STX11: variants seen among roughly 807,000 people sequenced by gnomAD.
STX11 encodes syntaxin 11.
Under a neutral mutation model 19.9 loss-of-function variants are expected in STX11, and 21 were observed. That is an observed-to-expected ratio of 1.06 (90% CI 0.75 to 1.52). STX11 has a LOEUF of 1.52. Among genes scored for constraint, STX11 ranks in the 40% most tolerant of loss-of-function variants. The pLI is 0.00. For synonymous variants in STX11, 193 were observed against 174.4 expected (o/e 1.11, Z -0.84); for missense variants, 438 against 405.9 (o/e 1.08, Z -0.68).
Position 144,152,174 on chromosome 6 carries a change from C to A in STX11, c.-6+1471C>A, listed in dbSNP as rs953086435. On this transcript the variant is annotated intron_variant, in intron 1 of 1. Coordinates refer to ENST00000367568, the MANE Select transcript of STX11 (RefSeq NM_003764.4). The surrounding 1 kb of genome is among the most constrained non-coding windows in gnomAD (Gnocchi z 4.9). The stretch of plus-strand genomic sequence containing the variant: ...AAAGAGTAGACTCAGCAGATTATCA[C>A]CCCTAGATAATTGCGGTCACGATTA... Among the ~76,000 whole-genome samples, 1 of 152,110 alleles carries A rather than the reference C, an allele frequency of 6.6e-6. No homozygotes were observed. Among genetic ancestry groups the A allele is most frequent in the Non-Finnish European group, 1.5e-5 (1 of 68,024 alleles).
chr6:144,142,812 T>C, the STX11 span, among the ~76,000 whole-genome samples: 1 of 152,206 alleles, frequency 6.6e-6, no homozygotes, highest in Non-Finnish European at 1.5e-5. Context: ...AGAAGTAAGT[T>C]CTAATGTTTA....
chr6:144,143,161 T>C, the STX11 span, among the ~76,000 whole-genome samples: 1 of 152,198 alleles, frequency 6.6e-6, no homozygotes, highest in Non-Finnish European at 1.5e-5. Flanking sequence ...ATATTTCTAG[T>C]CTGCGTGTAC....
intron 1 of STX11, among the ~76,000 whole-genome samples, chr6:144,178,940 G>C (rs1286645848): frequency 1.3e-5 from 2 of 152,016 alleles, no homozygotes; most frequent in East Asian, 1.9e-4. Context: ...TCAAAGAATA[G>C]TGTTTCCCTC....
In STX11 at chr6:144,172,692, T is replaced by C. The variant is rs993383465; in HGVS notation, c.-5-13931T>C. On this transcript the variant is annotated intron_variant, in intron 1 of 1. Coordinates refer to ENST00000367568, the MANE Select transcript of STX11 (RefSeq NM_003764.4). The surrounding 1 kb of genome is among the most constrained non-coding windows in gnomAD (Gnocchi z 4.2). ...GATTCCCCGAAGTCTCATCAGATTA[T>C]AGTATTAGCCTCGAAGTCTAGAGAC... 2.6e-5 allele frequency among the ~76,000 whole-genome samples: 4 copies of C among 152,174 alleles called. No individual in the cohort carries two copies. Among genetic ancestry groups the C allele is most frequent in the African/African-American group, 9.7e-5 (4 of 41,436 alleles).
rs974226177 is a variant in STX11 at position 144,159,668 on chromosome 6, T to C, written c.-6+8965T>C. ...AATGCACCATTACTAGAAGTTACTT[T>C]GTTAATATTTTAATATGTAATATAC... On this transcript the variant is annotated intron_variant, in intron 1 of 1. Transcript: ENST00000367568. This position sits in a 1 kb window ranked among gnomAD's most constrained non-coding sequence, Gnocchi z 4.3. Among the ~76,000 whole-genome samples the C allele has an allele frequency of 2.0e-5, 3 of 152,234 alleles. No individual in the cohort carries two copies. Among genetic ancestry groups the C allele is most frequent in the Non-Finnish European group, 4.4e-5 (3 of 68,046 alleles).
At chr6:144,156,668 G>A (rs1801177499) in intron 1 of STX11, among the ~76,000 whole-genome samples, 1 of 152,090 alleles carries the variant, frequency 6.6e-6, no homozygotes, top group Non-Finnish European at 1.5e-5. Context: ...TTTCTATTAT[G>A]TTCTTTGTTA....
chr6:144,179,969 C>T (rs537733856), intron 1 of STX11, among the ~76,000 whole-genome samples: 12 of 152,090 alleles, frequency 7.9e-5, no homozygotes, highest in South Asian at 2.1e-4. Flanking sequence ...CTGAAATAGC[C>T]GAATTCCATT....
rs1801512491 is a variant in STX11, at chr6:144,167,425, A to G, written c.-6+16722A>G. 2.0e-5 allele frequency among the ~76,000 whole-genome samples: 3 copies of G among 152,200 alleles called. No homozygotes were observed. In the South Asian group the frequency reaches 6.2e-4, roughly 31 times the overall value. The stretch of plus-strand genomic sequence containing the variant: ...CATATATACCTATACACATAGCCTG[A>G]AGATAATTGTATACAATGTTTTTAA... On this transcript the variant is annotated intron_variant, in intron 1 of 1. Coordinates refer to ENST00000367568, the MANE Select transcript of STX11 (RefSeq NM_003764.4). The surrounding 1 kb of genome is among the most constrained non-coding windows in gnomAD (Gnocchi z 5.0).
chr6:144,156,024 C>CTCCT (rs1240238433), intron 1 of STX11, among the ~76,000 whole-genome samples: 15 of 102,846 alleles, frequency 1.5e-4, no homozygotes, highest in African/African-American at 5.9e-4. Flanking sequence ...CTCTCTTTCT[C>CTCCT]TCCTTCCTTC....
chr6:144,188,035 C>T lies in STX11; in HGVS notation c.*544C>T, dbSNP rs941316888. ...TCCTCCCCAAATATAGATCTTATTT[C>T]TGCTCATTTCCCCTACTTATTAAAA... On this transcript the variant is annotated 3_prime_UTR_variant, in exon 2 of 2. Coordinates refer to ENST00000367568, the MANE Select transcript of STX11 (RefSeq NM_003764.4). The T allele has an allele frequency of 4.5e-5, 11 of 246,730 alleles. No homozygotes were observed. Among genetic ancestry groups the T allele is most frequent in the African/African-American group, 2.4e-4 (11 of 45,152 alleles). 15.3% of individuals were successfully genotyped at this position (246,730 alleles called of 1,614,324 possible).
intron 1 of STX11, among the ~76,000 whole-genome samples, chr6:144,166,614 C>G (rs1691480537): frequency 6.6e-6 from 1 of 151,200 alleles, no homozygotes; most frequent in South Asian, 2.1e-4. Flanking sequence ...CAACCTCTGC[C>G]TCCCAGGTTC....
chr6:144,182,478 T>A lies in STX11; in HGVS notation c.-5-4145T>A, dbSNP rs1055611640. On this transcript the variant is annotated intron_variant, in intron 1 of 1. Transcript: ENST00000367568. The surrounding 1 kb of genome is among the most constrained non-coding windows in gnomAD (Gnocchi z 4.8). ...CCTGTACCCTTTCTTTTTCTCTTAT[T>A]AGCACATTATGGACTTGCGCCTTCA... 4.6e-5 allele frequency among the ~76,000 whole-genome samples: 7 copies of A among 152,212 alleles called. No homozygotes were observed. The highest frequency in any genetic ancestry group is 2.6e-4 in the Admixed American group (4 of 15,284).
Position 144,182,274 on chromosome 6 carries a change from CT to C in STX11, c.-5-4348del, listed in dbSNP as rs1482504481. Among the ~76,000 whole-genome samples the C allele has an allele frequency of 6.6e-6, 1 of 152,162 alleles. No homozygotes were observed. Among genetic ancestry groups the C allele is most frequent in the African/African-American group, 2.4e-5 (1 of 41,428 alleles). The stretch of plus-strand genomic sequence containing the variant: ...TGGAGACATTCTTAGGAATAGCAGT[CT>C]CTTCGTTGACTTTCTGTTGTAGTTT... On this transcript the variant is annotated intron_variant, in intron 1 of 1. Coordinates refer to ENST00000367568, the MANE Select transcript of STX11 (RefSeq NM_003764.4). This position sits in a 1 kb window ranked among gnomAD's most constrained non-coding sequence, Gnocchi z 4.8.
intron 1 of STX11, among the ~76,000 whole-genome samples, chr6:144,156,412 A>G (rs530828114): frequency 3.2e-4 from 48 of 152,132 alleles, no homozygotes; most frequent in Non-Finnish European, 6.2e-4. Flanking sequence ...TCCAGAAAAT[A>G]CTAAGTCATC....
Position 144,153,813 on chromosome 6 carries a change from A to C in STX11, c.-6+3110A>C, listed in dbSNP as rs1408473368. On this transcript the variant is annotated intron_variant, in intron 1 of 1. Transcript: ENST00000367568. The surrounding 1 kb of genome is among the most constrained non-coding windows in gnomAD (Gnocchi z 5.0). ...CGGGTGTGTGTAATGAGGAGGTAGG[A>C]GCAGTTGAGATGACTCCCATGTTTC... Among the ~76,000 whole-genome samples the C allele has an allele frequency of 6.6e-6, 1 of 152,132 alleles. No homozygotes were observed. Among genetic ancestry groups the C allele is most frequent in the Non-Finnish European group, 1.5e-5 (1 of 68,024 alleles).
Position 144,187,832 on chromosome 6 carries a change from A to C in STX11, c.*341A>C. 6 of 418,350 alleles carry C rather than the reference A, an allele frequency of 1.4e-5. No individual in the cohort carries two copies. The highest frequency in any genetic ancestry group is 4.2e-5 in the East Asian group (1 of 23,646). 25.9% of individuals were successfully genotyped at this position (418,350 alleles called of 1,614,324 possible). ...AATGTCTGAGGCCTGCCTCCTAATA[A>C]AGACTCAAGGAGGAAGTCAATTGGG... On this transcript the variant is annotated 3_prime_UTR_variant, in exon 2 of 2. Transcript: ENST00000367568. The surrounding 1 kb of genome is among the most constrained non-coding windows in gnomAD (Gnocchi z 5.6).
In STX11 at chr6:144,165,223, G is replaced by A. The variant is rs1008565552; in HGVS notation, c.-6+14520G>A. ...TAATCCCAGCACTTTGGGAGGCTGA[G>A]GCGGGCAGATCACCTGAGGTTGGGA... is the stretch of plus-strand genomic sequence containing the variant. On this transcript the variant is annotated intron_variant, in intron 1 of 1. Transcript: ENST00000367568. This position sits in a 1 kb window ranked among gnomAD's most constrained non-coding sequence, Gnocchi z 5.8. Among the ~76,000 whole-genome samples, 2 of 152,088 alleles carry A rather than the reference G, an allele frequency of 1.3e-5. No individual in the cohort carries two copies. Among genetic ancestry groups the A allele is most frequent in the African/African-American group, 2.4e-5 (1 of 41,428 alleles).
intron 1 of STX11, among the ~76,000 whole-genome samples, chr6:144,163,641 G>T (rs1326853472): frequency 6.6e-6 from 1 of 151,998 alleles, no homozygotes; most frequent in African/African-American, 2.4e-5. Flanking sequence ...ACCACACCTG[G>T]CTAATTTTTG....
chr6:144,184,801 A>G lies in STX11; in HGVS notation c.-5-1822A>G, dbSNP rs1028958117. On this transcript the variant is annotated intron_variant, in intron 1 of 1. Transcript: ENST00000367568. The surrounding 1 kb of genome is among the most constrained non-coding windows in gnomAD (Gnocchi z 6.5). ...TACGTTTATGTTCTCTGTCATTTAC[A>G]TCTTCTCTGAATTGCTTCACTGTCT... Among the ~76,000 whole-genome samples, 3 of 152,234 alleles carry G rather than the reference A, an allele frequency of 2.0e-5. No homozygotes were observed. The highest frequency in any genetic ancestry group is 4.4e-5 in the Non-Finnish European group (3 of 68,040).
Sources: allele counts gnomAD v4.1 joint callset (sites outside exome capture counted in the v4.1 genomes callset), GRCh38; gene constraint gnomAD v4.1.1; non-coding constraint Gnocchi (gnomAD v3.1); transcripts MANE v1.5; gene names NCBI Gene and HGNC (gene_info 2026-07-23, HGNC 2026-07-21).